The following ERI1 variants were observed in gnomAD, a reference collection of about 807,000 sequenced individuals.
ERI1 encodes exoribonuclease 1, also known as 3'-5' exoribonuclease 1.
Under a neutral mutation model 39.7 loss-of-function variants are expected in ERI1, and 39 were observed. That is an observed-to-expected ratio of 0.98 (90% confidence interval 0.76 to 1.28). The LOEUF is 1.28. Among genes scored for constraint, ERI1 ranks in the 50% most tolerant of loss-of-function variants. ERI1 has a pLI of 0.00. For synonymous variants in ERI1, 204 were observed against 149.6 expected (o/e 1.36, Z -2.65); for missense variants, 581 against 416.9 (o/e 1.39, Z -3.43).
intron 1 of ERI1, among the ~76,000 whole-genome samples, chr8:9,005,175 A>T (rs571050517): frequency 3.9e-5 from 6 of 152,268 alleles, no homozygotes; most frequent in Non-Finnish European, 5.9e-5. Context: ...GAAAAATTCT[A>T]AGTTTTTTTT....
chr8:9,019,338 G>A (rs988915673), intron 5 of ERI1, among the ~76,000 whole-genome samples: 6 of 152,196 alleles, frequency 3.9e-5, no homozygotes, highest in Non-Finnish European at 1.5e-5. Flanking sequence ...TGTGATAGGA[G>A]AAAAGCATTG....
chr8:9,064,500 C>T (rs561952252), intron 3 of ERI1, among the ~76,000 whole-genome samples: 5 of 94,480 alleles, frequency 5.3e-5, no homozygotes, highest in African/African-American at 1.7e-4. Flanking sequence ...ACGGATAAAA[C>T]GTGTCTCCTT....
intron 3 of ERI1, among the ~76,000 whole-genome samples, chr8:9,084,068 C>T (rs1398453370): frequency 6.6e-6 from 1 of 152,184 alleles, no homozygotes; most frequent in Non-Finnish European, 1.5e-5. Flanking sequence ...GCTGGGATTA[C>T]AGGCGTGAGC....
rs1196877990 is a variant in ERI1 at position 9,020,473 on chromosome 8, TC to T, written c.807+10del. On this transcript the variant is annotated intron_variant, in intron 6 of 6. Transcript: ENST00000250263. ...ATGGAAATTTTTACAAGGTAAAATTTCTATATTTAATAATTACGTGGTTCTT... is the reference window on the plus strand; with the variant it reads ...ATGGAAATTTTTACAAGGTAAAATTTTATATTTAATAATTACGTGGTTCTT... 1 of 1,505,306 alleles carries T rather than the reference TC, an allele frequency of 6.6e-7. No individual in the cohort carries two copies. The highest frequency in any genetic ancestry group is 9.1e-7 in the Non-Finnish European group (1 of 1,096,850). 93.2% of individuals were successfully genotyped at this position (1,505,306 alleles called of 1,614,324 possible).
At chr8:9,038,197 C>T (rs532597551), downstream of ERI1, among the ~76,000 whole-genome samples, 1 of 152,226 alleles carries the variant, frequency 6.6e-6, no homozygotes, top group East Asian at 1.9e-4. Flanking sequence ...TTTAAAATTC[C>T]TCTTTCTCCT....
intron 3 of ERI1, among the ~76,000 whole-genome samples, chr8:9,069,486 C>G (rs1390507611): frequency 6.6e-6 from 1 of 152,168 alleles, no homozygotes; most frequent in African/African-American, 2.4e-5. Flanking sequence ...CTGTATCACC[C>G]TCTCTTAGTT....
intron 3 of ERI1, among the ~76,000 whole-genome samples, chr8:9,087,316 G>C (rs949796096): frequency 6.6e-6 from 1 of 151,464 alleles, no homozygotes; most frequent in Non-Finnish European, 1.5e-5. Context: ...AGCGATCTTG[G>C]CTCACTGCAA....
At chr8:9,073,376 T>A (rs1799115247) in intron 3 of ERI1, among the ~76,000 whole-genome samples, 1 of 152,118 alleles carries the variant, frequency 6.6e-6, no homozygotes. Context: ...TGATCCCCAA[T>A]ACTTCCAAGA....
intron 3 of ERI1, among the ~76,000 whole-genome samples, chr8:9,060,989 A>T (rs1293392372): frequency 6.6e-6 from 1 of 152,240 alleles, no homozygotes; most frequent in Non-Finnish European, 1.5e-5. Flanking sequence ...GCAGAATATG[A>T]AAGGCATATT....
intron 3 of ERI1, among the ~76,000 whole-genome samples, chr8:9,076,757 T>C (rs1031215704): frequency 3.3e-5 from 5 of 152,216 alleles, no homozygotes; most frequent in Non-Finnish European, 7.3e-5. Flanking sequence ...AAGAGAAATC[T>C]GAATGAGGAC....
chr8:9,017,583 CAG>C (rs1245522896), intron 4 of ERI1, among the ~76,000 whole-genome samples: 20 of 152,038 alleles, frequency 1.3e-4, no homozygotes, highest in Admixed American at 3.3e-4. Context: ...CCATATATGA[CAG>C]AGGGAATAGA....
intron 3 of ERI1, among the ~76,000 whole-genome samples, chr8:9,094,232 C>G (rs2117486453): frequency 6.6e-6 from 1 of 152,236 alleles, no homozygotes; most frequent in East Asian, 1.9e-4. Flanking sequence ...TAGCATATTA[C>G]AATATGAGCA....
chr8:9,030,123 T>G lies in ERI1; in HGVS notation c.*89T>G, dbSNP rs1797483401. The G allele has an allele frequency of 6.6e-7, 1 of 1,504,308 alleles. No individual in the cohort carries two copies. The highest frequency in any genetic ancestry group is 1.2e-5 in the South Asian group (1 of 83,260). 93.2% of individuals were successfully genotyped at this position (1,504,308 alleles called of 1,614,324 possible). ...ATTGAATTAGTCCTGTAGTGCAAAC[T>G]TTAAGCACCTTAAAACATTTAAAAT... On this transcript the variant is annotated 3_prime_UTR_variant, in exon 7 of 7. Coordinates refer to ENST00000250263, the MANE Select transcript of ERI1 (RefSeq NM_153332.4).
chr8:9,078,265 C>T (rs951287285), intron 3 of ERI1, among the ~76,000 whole-genome samples: 3 of 152,188 alleles, frequency 2.0e-5, no homozygotes, highest in African/African-American at 4.8e-5. Flanking sequence ...GCTGGGAATA[C>T]AAGTGTGAGC....
chr8:9,016,129 T>A (rs760289381), intron 3 of ERI1, among the ~76,000 whole-genome samples, 193 bp from the exon 4 acceptor site: 1 of 152,228 alleles, frequency 6.6e-6, no homozygotes, highest in Non-Finnish European at 1.5e-5. Context: ...ATATTTTAAA[T>A]TATGAATCAA....
At chr8:9,040,681 A>T (rs551435773) in intron 3 of ERI1, among the ~76,000 whole-genome samples, 19 of 149,378 alleles carry the variant, frequency 1.3e-4, no homozygotes, top group Non-Finnish European at 2.2e-4. Flanking sequence ...AATTTCTGTT[A>T]TTTTTGTATG....
downstream of ERI1, among the ~76,000 whole-genome samples, chr8:9,034,715 T>C (rs115975202): frequency 0.02 from 2,967 of 152,008 alleles, 101 homozygotes; most frequent in African/African-American, 0.068. Context: ...AGTGTTCAGG[T>C]GAAAGGAAGA....
At chr8:9,048,470 A>G (rs1022883625) in intron 3 of ERI1, 4 of 154,392 alleles carry the variant, frequency 2.6e-5, no homozygotes, top group African/African-American at 9.6e-5. Context: ...CTGGTGGAAA[A>G]TGGAGAAGAC....
intron 6 of ERI1, among the ~76,000 whole-genome samples, chr8:9,026,253 C>G (rs1818463262): frequency 6.6e-6 from 1 of 152,146 alleles, no homozygotes; most frequent in Admixed American, 6.5e-5. Context: ...TTGTTGTTCA[C>G]TTAAAAATGC....
Sources: allele counts gnomAD v4.1 joint callset (sites outside exome capture counted in the v4.1 genomes callset), GRCh38; gene constraint gnomAD v4.1.1; transcripts MANE v1.5; gene names NCBI Gene and HGNC (gene_info 2026-07-23, HGNC 2026-07-21).